Variants in USP49 observed in about 807,000 individuals in gnomAD.
The protein encoded by USP49 is ubiquitin specific peptidase 49.
A neutral mutation model predicts 58.6 loss-of-function variants in USP49; 24 were observed. That is an observed-to-expected ratio of 0.41 (90% CI 0.30 to 0.58). USP49 has a LOEUF of 0.58. USP49 is among the 20% of genes least tolerant of loss of function. The probability of loss-of-function intolerance (pLI) is 0.30; values close to 1 mark genes in which losing one functional copy is unlikely to be tolerated. For synonymous variants in USP49, 408 were observed against 365.1 expected (o/e 1.12, Z -1.34); for missense variants, 703 against 866.1 (o/e 0.81, Z 2.36).
At chr6:41,850,261 G>A (rs1243872842) in intron 3 of USP49, among the ~76,000 whole-genome samples, 1 of 151,802 alleles carries the variant, frequency 6.6e-6, no homozygotes, top group East Asian at 2.0e-4. Context: ...TGGCCAACAT[G>A]GTGAAACCCC....
intron 3 of USP49, among the ~76,000 whole-genome samples, chr6:41,813,156 T>C (rs1330591697): frequency 6.6e-6 from 1 of 152,048 alleles, no homozygotes; most frequent in Admixed American, 6.5e-5. Flanking sequence ...CAGCATAGAC[T>C]TAAACACACC....
chr6:41,798,433 C>T, intron 7 of USP49: 3 of 616,474 alleles, frequency 4.9e-6, no homozygotes. Flanking sequence ...ACCACCACGC[C>T]CGGCTAATTT....
chr6:41,810,477 G>C (rs1049113881), intron 3 of USP49, among the ~76,000 whole-genome samples: 1 of 150,856 alleles, frequency 6.6e-6, no homozygotes, highest in African/African-American at 2.4e-5. Flanking sequence ...GGACAAGAGC[G>C]AGACTTCGTC....
intron 2 of USP49, among the ~76,000 whole-genome samples, chr6:41,889,189 C>A (rs1247268597): frequency 6.6e-6 from 1 of 152,014 alleles, no homozygotes; most frequent in Non-Finnish European, 1.5e-5. Context: ...CGTGCCACCA[C>A]GTGTGGCTAA....
intron 5 of USP49, among the ~76,000 whole-genome samples, chr6:41,802,456 A>ATTTTTTTTTTTTTTTTTTT (rs1186521851): frequency 4.3e-5 from 3 of 70,292 alleles, no homozygotes; most frequent in African/African-American, 1.8e-4. Context: ...TTATTTATTT[A>ATTTTTTTTTTTTTTTTTTT]TTTATTTATT....
At chr6:41,865,037 TTTTA>T (rs539168152) in intron 3 of USP49, among the ~76,000 whole-genome samples, 1 of 151,944 alleles carries the variant, frequency 6.6e-6, no homozygotes, top group Admixed American at 6.6e-5. Context: ...TTTTTTTTAT[TTTTA>T]TTTATTTATT....
intron 3 of USP49, among the ~76,000 whole-genome samples, chr6:41,838,589 G>A (rs1773767246): frequency 6.6e-6 from 1 of 152,182 alleles, no homozygotes; most frequent in Admixed American, 6.6e-5. Context: ...CACATCAAGG[G>A]ATCACTCTGT....
chr6:41,802,522 G>A (rs1203067150), intron 5 of USP49, among the ~76,000 whole-genome samples: 2 of 138,430 alleles, frequency 1.4e-5, no homozygotes, highest in Admixed American at 7.6e-5. Flanking sequence ...CACCCAGGCT[G>A]GAGTGCAGTG....
chr6:41,870,943 T>A (rs1006845597), intron 3 of USP49, among the ~76,000 whole-genome samples: 3 of 151,768 alleles, frequency 2.0e-5, no homozygotes, highest in African/African-American at 7.3e-5. Flanking sequence ...TCCAGCTAGT[T>A]GGGAGGCTGA....
chr6:41,894,860 AC>A (rs1288918765), intron 1 of USP49, among the ~76,000 whole-genome samples: 2 of 151,254 alleles, frequency 1.3e-5, no homozygotes, highest in East Asian at 3.9e-4. Flanking sequence ...CTGGCTTCTA[AC>A]CCTTTCTCCC....
At chr6:41,865,821 T>C (rs943049067) in intron 3 of USP49, among the ~76,000 whole-genome samples, 68 of 125,934 alleles carry the variant, frequency 5.4e-4, no homozygotes, top group Middle Eastern at 5.3e-3. Context: ...TTTTTTTTTT[T>C]CCCCCAGAGA....
Position 41,810,318 on chromosome 6 carries a change from T to TAA in USP49, c.-28-3309_-28-3308dup, listed in dbSNP as rs1411182021. 4.3e-5 allele frequency among the ~76,000 whole-genome samples: 6 copies of TAA among 138,850 alleles called. No homozygotes were observed. In the East Asian group the frequency reaches 6.4e-4, roughly 15 times the overall value. 91.1% of individuals were successfully genotyped at this position (138,850 alleles called of 152,430 possible). ...CAACATGGTGAAACCCCGTCTCTAC[T>TAA]AAAAAAAAAAACACAAAAAAAATTA... On this transcript the variant is annotated intron_variant, in intron 3 of 7. Coordinates refer to ENST00000682992, the MANE Select transcript of USP49 (RefSeq NM_001286554.2).
intron 3 of USP49, among the ~76,000 whole-genome samples, chr6:41,828,481 T>C (rs1167250514): frequency 2.6e-5 from 4 of 152,156 alleles, no homozygotes; most frequent in Admixed American, 1.3e-4. Flanking sequence ...GTGCTATCAA[T>C]AGAAACATCA....
chr6:41,834,153 G>T (rs1381944927), intron 3 of USP49, among the ~76,000 whole-genome samples: 1 of 152,026 alleles, frequency 6.6e-6, no homozygotes, highest in Non-Finnish European at 1.5e-5. Context: ...GGCATTCTTG[G>T]GTCTCTGATG....
At chr6:41,810,330 C>A (rs149417173) in intron 3 of USP49, among the ~76,000 whole-genome samples, 2 of 140,040 alleles carry the variant, frequency 1.4e-5, no homozygotes, top group African/African-American at 2.8e-5. Flanking sequence ...AAAAAAAAAA[C>A]ACAAAAAAAA....
chr6:41,813,721 C>T (rs772611429), intron 3 of USP49, among the ~76,000 whole-genome samples: 3 of 152,180 alleles, frequency 2.0e-5, no homozygotes, highest in Non-Finnish European at 4.4e-5. Flanking sequence ...GGCTACTTTG[C>T]ACCTCACCAT....
chr6:41,886,086 G>C (rs1393114760), intron 2 of USP49, among the ~76,000 whole-genome samples: 1 of 152,140 alleles, frequency 6.6e-6, no homozygotes, highest in African/African-American at 2.4e-5. Flanking sequence ...CTTCTAATCA[G>C]TTGACCATAT....
intron 3 of USP49, among the ~76,000 whole-genome samples, chr6:41,812,320 C>T (rs532113831): frequency 1.0e-3 from 154 of 151,662 alleles, no homozygotes; most frequent in Non-Finnish European, 1.5e-3. Flanking sequence ...CTCAGGTGAT[C>T]CGCCTACCTC....
intron 3 of USP49, among the ~76,000 whole-genome samples, chr6:41,817,839 C>G (rs1561908405): frequency 6.6e-6 from 1 of 151,990 alleles, no homozygotes; most frequent in Non-Finnish European, 1.5e-5. Context: ...TGGTCTCGAA[C>G]TCCTGACCTA....
Sources: gnomAD v4.1 joint callset for allele counts (sites outside exome capture counted in the v4.1 genomes callset) on GRCh38, gnomAD v4.1.1 for gene constraint, MANE v1.5 for transcripts, NCBI Gene and HGNC (gene_info 2026-07-23, HGNC 2026-07-21) for gene names.